Variants in NALF1 observed in about 807,000 individuals in gnomAD.
The protein encoded by NALF1 is NALCN channel auxiliary factor 1.
NALF1 carries 3 observed loss-of-function variants against 48.4 expected under a neutral mutation model. That is an observed-to-expected ratio of 0.06 (90% CI 0.03 to 0.16). The LOEUF (loss-of-function observed/expected upper bound fraction) is 0.16. Ranked by LOEUF, NALF1 falls within the 10% of genes least tolerant of loss-of-function variation. NALF1 has a pLI of 1.00. For synonymous variants in NALF1, 262 were observed against 245.7 expected, an observed-to-expected ratio of 1.07 and a Z score of -0.62; for missense variants, 526 against 571.5, an observed-to-expected ratio of 0.92 and a Z score of 0.81.
chr13:107,578,884 C>G (rs540609041), intron 1 of NALF1, among the ~76,000 whole-genome samples: 20 of 152,210 alleles, frequency 1.3e-4, no homozygotes, highest in African/African-American at 4.8e-4. Flanking sequence ...CCCTTTAGAG[C>G]CCCAAGCCAA....
At chr13:107,660,022 C>T (rs1191864003) in intron 1 of NALF1, among the ~76,000 whole-genome samples, 2 of 151,878 alleles carry the variant, frequency 1.3e-5, no homozygotes, top group Non-Finnish European at 2.9e-5. Flanking sequence ...TGAGCCACCG[C>T]ACCTGGCCAA....
chr13:107,263,377 T>A (rs1880974950), intron 1 of NALF1, among the ~76,000 whole-genome samples: 1 of 152,118 alleles, frequency 6.6e-6, no homozygotes, highest in African/African-American at 2.4e-5. Context: ...CTGAAGTTTC[T>A]GAGCATGCAG....
chr13:107,595,956 C>G (rs1219732105), intron 1 of NALF1, among the ~76,000 whole-genome samples: 1 of 151,984 alleles, frequency 6.6e-6, no homozygotes, highest in East Asian at 1.9e-4. Flanking sequence ...TATTTAGCCA[C>G]TGGTCACTGA....
intron 1 of NALF1, among the ~76,000 whole-genome samples, chr13:107,244,121 G>T (rs1028777096): frequency 2.6e-5 from 4 of 152,312 alleles, no homozygotes; most frequent in Admixed American, 2.6e-4. Context: ...TCCACTGGAA[G>T]TCATTTCACA....
chr13:107,759,901 AC>A (rs1877218762), intron 1 of NALF1, among the ~76,000 whole-genome samples: 1 of 152,082 alleles, frequency 6.6e-6, no homozygotes, highest in Admixed American at 6.6e-5. Context: ...TCAAGACAGC[AC>A]CTTGTTCTTC....
At chr13:107,669,005 A>G (rs1181377224) in intron 1 of NALF1, among the ~76,000 whole-genome samples, 2 of 152,130 alleles carry the variant, frequency 1.3e-5, no homozygotes, top group East Asian at 3.9e-4. Context: ...TCTTGCTTTT[A>G]GACTTTGCTA....
At chr13:107,752,418 T>C (rs896195400) in intron 1 of NALF1, among the ~76,000 whole-genome samples, 1 of 152,140 alleles carries the variant, frequency 6.6e-6, no homozygotes, top group African/African-American at 2.4e-5. Flanking sequence ...GTATAATAAA[T>C]ATCATGATCA....
intron 1 of NALF1, among the ~76,000 whole-genome samples, chr13:107,282,727 A>T (rs866568451): frequency 1.2e-4 from 19 of 152,344 alleles, no homozygotes; most frequent in Middle Eastern, 6.8e-3. Flanking sequence ...CTAACTTGCC[A>T]GTCATGTGAG....
intron 1 of NALF1, among the ~76,000 whole-genome samples, chr13:107,532,478 C>T (rs1876672833): frequency 6.6e-6 from 1 of 151,990 alleles, no homozygotes; most frequent in Admixed American, 6.6e-5. Flanking sequence ...TGTGTGCTTC[C>T]TCATCAACAA....
rs189361579 is a variant in NALF1, at chr13:107,774,534, T to C, written c.915+91148A>G. Among the ~76,000 whole-genome samples, 31 of 152,324 alleles carry C rather than the reference T, an allele frequency of 2.0e-4. 1 individual carries two copies. The highest frequency in any genetic ancestry group is 1.4e-3 in the East Asian group (7 of 5,184). ...AAATTAAAACCTCTCTGAGACTAAA[T>C]TGTTTATTAGTGAAATGGAGGTAAA... On this transcript the variant is annotated intron_variant, in intron 1 of 2. Coordinates refer to ENST00000375915, the MANE Select transcript of NALF1 (RefSeq NM_001080396.3).
At chr13:107,682,040 T>C (rs947401102) in intron 1 of NALF1, among the ~76,000 whole-genome samples, 1 of 152,144 alleles carries the variant, frequency 6.6e-6, no homozygotes, top group Admixed American at 6.5e-5. Flanking sequence ...CTAACAGACA[T>C]GAATAAACCA....
chr13:107,699,905 T>C (rs577108738), intron 1 of NALF1, among the ~76,000 whole-genome samples: 16 of 152,080 alleles, frequency 1.1e-4, no homozygotes, highest in Non-Finnish European at 1.9e-4. Context: ...ATCCCATTTA[T>C]AATAGAATCA....
intron 2 of NALF1, among the ~76,000 whole-genome samples, chr13:107,179,178 C>T (rs2138772500): frequency 6.6e-6 from 1 of 152,000 alleles, no homozygotes; most frequent in Admixed American, 6.6e-5. Context: ...TACTATTCAG[C>T]CATAAAAAGG....
intron 1 of NALF1, among the ~76,000 whole-genome samples, chr13:107,809,277 T>C (rs1324352937): frequency 6.6e-6 from 1 of 152,070 alleles, no homozygotes; most frequent in African/African-American, 2.4e-5. Flanking sequence ...AAGGCTGTTT[T>C]AACCATCTGT....
At chr13:107,676,580 ATTAAATCATTAAATTAAT>A (rs1454253639) in intron 1 of NALF1, among the ~76,000 whole-genome samples, 1 of 141,990 alleles carries the variant, frequency 7.0e-6, no homozygotes, top group Non-Finnish European at 1.5e-5. Context: ...ATGTGATATC[ATTAAATCATTAAATTAAT>A]TTAATTTAAT....
chr13:107,246,398 A>G (rs1274447636), intron 1 of NALF1, among the ~76,000 whole-genome samples: 3 of 145,230 alleles, frequency 2.1e-5, no homozygotes, highest in Non-Finnish European at 4.7e-5. Flanking sequence ...GACTCCTGCT[A>G]GAGTATTATA....
chr13:107,380,498 T>G (rs1036596513), intron 1 of NALF1, among the ~76,000 whole-genome samples: 1 of 152,174 alleles, frequency 6.6e-6, no homozygotes, highest in African/African-American at 2.4e-5. Flanking sequence ...CAAAGCAGTT[T>G]TGAGACATCA....
intron 1 of NALF1, among the ~76,000 whole-genome samples, chr13:107,263,214 T>C (rs1880968622): frequency 6.6e-6 from 1 of 150,448 alleles, no homozygotes; most frequent in Admixed American, 6.6e-5. Flanking sequence ...TGTGTATAAA[T>C]GTGTAGGCTC....
intron 1 of NALF1, among the ~76,000 whole-genome samples, chr13:107,574,302 A>G (rs2138404198): frequency 6.6e-6 from 1 of 152,232 alleles, no homozygotes; most frequent in African/African-American, 2.4e-5. Flanking sequence ...CTGTTACCCT[A>G]TCCTATACCA....
Sources: gnomAD v4.1 joint callset for allele counts (sites outside exome capture counted in the v4.1 genomes callset) on GRCh38, gnomAD v4.1.1 for gene constraint, MANE v1.5 for transcripts, NCBI Gene and HGNC (gene_info 2026-07-23, HGNC 2026-07-21) for gene names.